Variants in UXS1 observed in about 807,000 individuals in gnomAD.
The protein encoded by UXS1 is UDP-glucuronic acid decarboxylase 1.
UXS1 carries 33 observed loss-of-function variants against 62.6 expected under a neutral mutation model. The observed-to-expected ratio is 0.53, with a 90% CI of 0.40 to 0.70. UXS1 has a LOEUF of 0.70. Ranked by LOEUF, UXS1 falls within the 30% of genes least tolerant of loss-of-function variation. UXS1 has a pLI of 0.00. For synonymous variants in UXS1, 213 were observed against 206.8 expected (o/e 1.03, Z -0.26); for missense variants, 434 against 556.3 (o/e 0.78, Z 2.21).
chr2:106,094,330 C>T (rs1052947349), intron 14 of UXS1, among the ~76,000 whole-genome samples, 173 bp from the exon 15 acceptor site: 1 of 143,878 alleles, frequency 7.0e-6, no homozygotes, highest in African/African-American at 2.7e-5. Context: ...GCATCACGGC[C>T]CACCGAGAGA....
At chr2:106,177,573 C>T (rs894169279) in intron 1 of UXS1, among the ~76,000 whole-genome samples, 2 of 152,320 alleles carry the variant, frequency 1.3e-5, no homozygotes, top group Admixed American at 6.5e-5. Context: ...TACGACCTTC[C>T]TATACTTTTG....
At chr2:106,111,951 G>A (rs924723727) in intron 10 of UXS1, among the ~76,000 whole-genome samples, 1 of 152,182 alleles carries the variant, frequency 6.6e-6, no homozygotes, top group Admixed American at 6.5e-5. Context: ...GGGGTGGGAG[G>A]GAGGATTAGC....
At position 106,168,514 on chromosome 2, in the gene UXS1, G is replaced by A. The variant is rs184208447; in HGVS notation, c.95-2431C>T. On this transcript the variant is annotated intron_variant, in intron 1 of 14. Transcript: ENST00000283148. ...AAACTTGCTTTCACTTTAAGGACTC[G>A]CCTTGAATTCTTTCTTGTGGAAGAT... Among the ~76,000 whole-genome samples, 147 of 152,184 alleles carry A rather than the reference G, an allele frequency of 9.7e-4. 2 individuals carry two copies. In the South Asian group the frequency reaches 0.013, roughly 14 times the overall value.
chr2:106,160,255 T>G (rs1219385370), intron 4 of UXS1: 1 of 152,258 alleles, frequency 6.6e-6, no homozygotes, highest in African/African-American at 2.4e-5. Context: ...CCAATTGTCC[T>G]CATTTCTCTG....
chr2:106,130,828 C>T (rs561870745), intron 6 of UXS1, among the ~76,000 whole-genome samples: 1 of 152,176 alleles, frequency 6.6e-6, no homozygotes, highest in East Asian at 1.9e-4. Context: ...CTGAAGCAGG[C>T]TGGGAGACTC....
At chr2:106,121,629 G>C (rs1679529983) in intron 9 of UXS1, among the ~76,000 whole-genome samples, 1 of 151,924 alleles carries the variant, frequency 6.6e-6, no homozygotes, top group Non-Finnish European at 1.5e-5. Flanking sequence ...AATGATGAAA[G>C]TATGTTCCTA....
chr2:106,104,340 C>A (rs896034451), intron 11 of UXS1, among the ~76,000 whole-genome samples: 1 of 152,198 alleles, frequency 6.6e-6, no homozygotes, highest in Non-Finnish European at 1.5e-5. Context: ...ATATTTTTAT[C>A]TGCATTTAGT....
chr2:106,165,814 G>GA (rs1168432840), intron 2 of UXS1, among the ~76,000 whole-genome samples: 2 of 52,214 alleles, frequency 3.8e-5, no homozygotes, highest in Non-Finnish European at 1.4e-4. Flanking sequence ...CACAAGGAGG[G>GA]AAGCGGGGGT....
At chr2:106,143,098 T>A (rs1225097276) in intron 6 of UXS1, among the ~76,000 whole-genome samples, 2 of 152,008 alleles carry the variant, frequency 1.3e-5, no homozygotes, top group Non-Finnish European at 2.9e-5. Flanking sequence ...AATAGTGTCA[T>A]AAAATAAATG....
intron 1 of UXS1, among the ~76,000 whole-genome samples, chr2:106,168,419 G>T (rs542003228): frequency 6.6e-6 from 1 of 152,246 alleles, no homozygotes; most frequent in East Asian, 1.9e-4. Flanking sequence ...CATAAAAATG[G>T]GCAATCAGCA....
chr2:106,093,485 CA>C lies in UXS1; in HGVS notation c.*540del. On this transcript the variant is annotated 3_prime_UTR_variant, in exon 15 of 15. Coordinates refer to ENST00000283148, the MANE Select transcript of UXS1 (RefSeq NM_001253875.2). ...ATATTTCAAAGTCAAGTTTGCAACTCAAAAGTAGACCTTGGAAAAACTCTGA... is the reference window on the plus strand; with the variant it reads ...ATATTTCAAAGTCAAGTTTGCAACTCAAAGTAGACCTTGGAAAAACTCTGA... 1 of 152,024 alleles carries C rather than the reference CA, an allele frequency of 6.6e-6. No homozygotes were observed. The highest frequency in any genetic ancestry group is 1.9e-4 in the East Asian group (1 of 5,160). 9.4% of individuals were successfully genotyped at this position (152,024 alleles called of 1,614,324 possible). A position where few individuals can be genotyped will look rare whatever the true frequency, so the allele number is the denominator to read the frequency against.
chr2:106,136,920 A>G (rs1453209805), intron 6 of UXS1, among the ~76,000 whole-genome samples: 32 of 144,184 alleles, frequency 2.2e-4, no homozygotes, highest in Non-Finnish European at 4.2e-4. Flanking sequence ...AATAATAATA[A>G]TAAAAAAAGA....
intron 6 of UXS1, among the ~76,000 whole-genome samples, chr2:106,139,602 G>A (rs1316504423): frequency 1.3e-5 from 2 of 152,168 alleles, no homozygotes; most frequent in Admixed American, 6.5e-5. Flanking sequence ...AGAACACATC[G>A]GAGAAATCGA....
At position 106,101,080 on chromosome 2, in the gene UXS1, T is replaced by C. The variant is rs1319215543; in HGVS notation, c.962A>G (p.Asn321Ser). 3 of 1,613,838 alleles carry C rather than the reference T, an allele frequency of 1.9e-6. No individual in the cohort carries two copies. The highest frequency in any genetic ancestry group is 2.5e-6 in the Non-Finnish European group (3 of 1,179,860). The change falls in exon 12 of 15, where the codon AAC becomes AGC. Residue 321 changes from asparagine (N) to serine (S), a missense_variant. By Grantham distance (46) the Asn-to-Ser change is conservative. Around this residue, in one of 3 missense-constraint regions of UXS1, gnomAD observed 209 missense variants for 233.3 expected, o/e 0.90. Transcript: ENST00000283148. ...CACCAGGTTGACCGGGCTGCTGACG[T>C]TGCTGTTCATGAGAGCCACGAGGCC... ...VNGLVALMNS[N>S]VSSPVNLGNP...
intron 9 of UXS1, among the ~76,000 whole-genome samples, chr2:106,114,846 G>C (rs1390908601): frequency 1.3e-5 from 2 of 152,174 alleles, no homozygotes; most frequent in Non-Finnish European, 2.9e-5. Flanking sequence ...ACACCAATAA[G>C]ACAAGCTACT....
At chr2:106,129,542 C>T in intron 7 of UXS1, 132 bp downstream of exon 7, 2 of 779,558 alleles carry the variant, frequency 2.6e-6, no homozygotes, top group South Asian at 3.1e-5. Flanking sequence ...CTGCCAAATA[C>T]CACAAGCAGG....
At chr2:106,140,434 A>C (rs934402594) in intron 6 of UXS1, among the ~76,000 whole-genome samples, 1 of 152,180 alleles carries the variant, frequency 6.6e-6, no homozygotes, top group Non-Finnish European at 1.5e-5. Flanking sequence ...AAATATTCTA[A>C]TCAGAGCTGC....
At chr2:106,171,835 C>T (rs1264690395) in intron 1 of UXS1, among the ~76,000 whole-genome samples, 3 of 152,230 alleles carry the variant, frequency 2.0e-5, no homozygotes, top group Admixed American at 1.3e-4. Flanking sequence ...CACTAAGTCA[C>T]AGGAAGAAAG....
intron 1 of UXS1, among the ~76,000 whole-genome samples, chr2:106,181,272 GGCGGGGCTCT>G (rs1684226290): frequency 6.6e-6 from 1 of 152,156 alleles, no homozygotes; most frequent in Admixed American, 6.5e-5. Flanking sequence ...CCTGGCTCAG[GGCGGGGCTCT>G]GGAACCTCAT....
Sources: gnomAD v4.1 joint callset for allele counts (sites outside exome capture counted in the v4.1 genomes callset) on GRCh38, gnomAD v4.1.1 for gene constraint, gnomAD v4.1.1 regional missense constraint, MANE v1.5 for transcripts, NCBI Gene and HGNC (gene_info 2026-07-23, HGNC 2026-07-21) for gene names.